Variants in MACROD2 observed in about 807,000 individuals in gnomAD.
The protein encoded by MACROD2 is ADP-ribose glycohydrolase MACROD2.
A neutral mutation model predicts 70.4 loss-of-function variants in MACROD2; 36 were observed. The ratio of observed to expected loss-of-function variants is 0.51; its 90% CI spans 0.39 to 0.68. The LOEUF is 0.68. MACROD2 is among the 30% of genes least tolerant of loss of function. The probability of loss-of-function intolerance (pLI) is 0.00; values close to 1 mark genes in which losing one functional copy is unlikely to be tolerated. For missense variants in MACROD2, 496 were observed against 538.4 expected, an observed-to-expected ratio of 0.92 and a Z score of 0.78; for synonymous variants, 172 against 178.8, an observed-to-expected ratio of 0.96 and a Z score of 0.30.
chr20:14,628,363 G>A (rs1316780105), intron 4 of MACROD2, among the ~76,000 whole-genome samples: 1 of 152,098 alleles, frequency 6.6e-6, no homozygotes, highest in African/African-American at 2.4e-5. Context: ...GAGAAACGAT[G>A]GCTGGAAATC....
intron 8 of MACROD2, among the ~76,000 whole-genome samples, chr20:15,772,039 C>T (rs574609209): frequency 6.4e-5 from 9 of 140,032 alleles, no homozygotes; most frequent in East Asian, 2.1e-4. Flanking sequence ...GAGCCGAGAT[C>T]GCGCCACTGC....
chr20:14,214,221 C>G (rs1241184799), intron 3 of MACROD2, among the ~76,000 whole-genome samples: 1 of 152,126 alleles, frequency 6.6e-6, no homozygotes, highest in African/African-American at 2.4e-5. Flanking sequence ...TGGTCATGAT[C>G]ACATCTGTGT....
At chr20:14,156,182 A>G (rs957602732) in intron 3 of MACROD2, among the ~76,000 whole-genome samples, 4 of 152,178 alleles carry the variant, frequency 2.6e-5, no homozygotes, top group African/African-American at 9.7e-5. Flanking sequence ...ATAAATCACT[A>G]TGCCAATGTG....
chr20:14,684,518 T>C (rs1298944541), intron 4 of MACROD2, among the ~76,000 whole-genome samples: 1 of 152,108 alleles, frequency 6.6e-6, no homozygotes, highest in Admixed American at 6.6e-5. Context: ...AAATTGGATA[T>C]GGGGAAAGGA....
At chr20:15,253,019 T>A (rs1334409832) in intron 6 of MACROD2, among the ~76,000 whole-genome samples, 1 of 152,202 alleles carries the variant, frequency 6.6e-6, no homozygotes, top group Non-Finnish European at 1.5e-5. Context: ...GTATACATTT[T>A]GGTGCAAGGA....
chr20:14,805,698 G>A (rs748254184), intron 5 of MACROD2, among the ~76,000 whole-genome samples: 4 of 151,938 alleles, frequency 2.6e-5, no homozygotes, highest in Non-Finnish European at 4.4e-5. Flanking sequence ...AGCCATAGTG[G>A]GTGAACAAAG....
chr20:14,263,588 G>C (rs575949634), intron 3 of MACROD2, among the ~76,000 whole-genome samples: 2 of 151,430 alleles, frequency 1.3e-5, no homozygotes, highest in African/African-American at 4.9e-5. Flanking sequence ...CCAGGAAAAA[G>C]AACAAAAGGC....
At chr20:15,849,487 G>A (rs923245109) in intron 8 of MACROD2, among the ~76,000 whole-genome samples, 1 of 152,168 alleles carries the variant, frequency 6.6e-6, no homozygotes, top group Non-Finnish European at 1.5e-5. Flanking sequence ...TTCGAGCATC[G>A]TGACCAGGCT....
intron 15 of MACROD2, among the ~76,000 whole-genome samples, chr20:16,032,565 G>A (rs1221034809): frequency 2.0e-5 from 3 of 150,782 alleles, no homozygotes; most frequent in African/African-American, 4.9e-5. Context: ...CAGGGAAGGA[G>A]AGAAGGAGAA....
intron 6 of MACROD2, among the ~76,000 whole-genome samples, chr20:15,234,186 C>T (rs936723006): frequency 1.1e-4 from 16 of 144,166 alleles, no homozygotes; most frequent in African/African-American, 4.1e-4. Context: ...CGCCCGCTAC[C>T]ACGCCCGGCT....
At chr20:15,882,218 G>T (rs1232387816) in intron 9 of MACROD2, among the ~76,000 whole-genome samples, 1 of 152,012 alleles carries the variant, frequency 6.6e-6, no homozygotes, top group South Asian at 2.1e-4. Context: ...TGGGAGAATC[G>T]CATGAGAATG....
At chr20:14,849,896 C>T in intron 5 of MACROD2, 1 of 488,806 alleles carries the variant, frequency 2.0e-6, no homozygotes, top group South Asian at 1.5e-5. Context: ...ATTTGTGTTT[C>T]ATCGTAGCAA....
intron 8 of MACROD2, among the ~76,000 whole-genome samples, chr20:15,861,922 TAAAAC>T (rs1278118598): frequency 2.0e-5 from 3 of 152,192 alleles, no homozygotes; most frequent in Admixed American, 1.3e-4. Context: ...TTTATGTTGT[TAAAAC>T]AAAATAACTA....
intron 3 of MACROD2, among the ~76,000 whole-genome samples, chr20:14,337,185 T>C (rs1319735344): frequency 1.3e-5 from 2 of 152,206 alleles, no homozygotes; most frequent in Non-Finnish European, 2.9e-5. Flanking sequence ...CCACTTACTA[T>C]CTTTTATAAA....
At position 15,642,768 on chromosome 20, in the gene MACROD2, T is replaced by C. The variant is rs922084577; in HGVS notation, c.645+142921T>C. ...ATCCTGTCTTCTGTGTGTGTTTGTG[T>C]GTGTGTATGTGTGTGTGTATGTGTG... On this transcript the variant is annotated intron_variant, in intron 8 of 17. Transcript: ENST00000684519. Among the ~76,000 whole-genome samples, 12 of 149,574 alleles carry C rather than the reference T, an allele frequency of 8.0e-5. No individual in the cohort carries two copies. In the East Asian group the frequency reaches 2.3e-3, roughly 29 times the overall value.
intron 5 of MACROD2, among the ~76,000 whole-genome samples, chr20:15,002,986 T>C (rs1399268667): frequency 6.6e-6 from 1 of 152,198 alleles, no homozygotes; most frequent in African/African-American, 2.4e-5. Flanking sequence ...TACTTCCTAA[T>C]TGGATTAATT....
intron 8 of MACROD2, among the ~76,000 whole-genome samples, chr20:15,630,596 C>T (rs1056864029): frequency 2.0e-5 from 3 of 152,172 alleles, no homozygotes; most frequent in African/African-American, 7.2e-5. Context: ...TGATTAAGTC[C>T]ATTAAGGATT....
chr20:15,941,622 G>A (rs531319234), intron 12 of MACROD2, among the ~76,000 whole-genome samples: 1 of 152,282 alleles, frequency 6.6e-6, no homozygotes, highest in African/African-American at 2.4e-5. Context: ...TCTCTTCTCA[G>A]TGACATCTGG....
chr20:15,423,096 G>A (rs34982038), intron 6 of MACROD2, among the ~76,000 whole-genome samples: 49,870 of 151,858 alleles, frequency 0.33, 8,401 homozygotes, highest in South Asian at 0.39. Context: ...TATAGTTTTA[G>A]CATAGTTATA....
Sources: allele counts gnomAD v4.1 joint callset (sites outside exome capture counted in the v4.1 genomes callset), GRCh38; gene constraint gnomAD v4.1.1; transcripts MANE v1.5; gene names NCBI Gene and HGNC (gene_info 2026-07-23, HGNC 2026-07-21).